The following CD109 variants were observed in gnomAD, a reference collection of about 807,000 sequenced individuals.
CD109 encodes CD109 antigen.
CD109 carries 149 observed loss-of-function variants against 165.8 expected under a neutral mutation model. The observed-to-expected ratio is 0.90, with a 90% CI of 0.79 to 1.03. CD109 has a LOEUF of 1.03. Among genes scored for constraint, CD109 ranks in the 50% least tolerant of loss-of-function variants. The probability of loss-of-function intolerance (pLI) is 0.00; values close to 1 mark genes in which losing one functional copy is unlikely to be tolerated. For synonymous variants in CD109, 585 were observed against 592.1 expected (o/e 0.99, Z 0.18); for missense variants, 1,712 against 1,677.8 (o/e 1.02, Z -0.36).
intron 5 of CD109, among the ~76,000 whole-genome samples, chr6:73,748,276 G>A (rs1268255740): frequency 2.0e-5 from 3 of 152,112 alleles, no homozygotes; most frequent in Non-Finnish European, 2.9e-5. Flanking sequence ...CTACACAGCA[G>A]TAAAAATAAT....
intron 23 of CD109, among the ~76,000 whole-genome samples, chr6:73,800,679 G>C (rs1775330142): frequency 6.6e-6 from 1 of 152,122 alleles, no homozygotes; most frequent in Non-Finnish European, 1.5e-5. Context: ...TTATGAAGTT[G>C]AATGTGTTTT....
chr6:73,709,373 T>A (rs1001553587), intron 2 of CD109, among the ~76,000 whole-genome samples: 1 of 152,232 alleles, frequency 6.6e-6, no homozygotes, highest in Non-Finnish European at 1.5e-5. Context: ...TCTGTTTTGG[T>A]ACCAGTACCA....
At position 73,818,369 on chromosome 6, in the gene CD109, T is replaced by C. The variant is rs1375838787; in HGVS notation, c.3912-19T>C. On this transcript the variant is annotated intron_variant, in intron 30 of 32. Transcript: ENST00000287097. ...GTTTTTCCTGAGGAGTTTTCATTCA[T>C]CCTCCCTCTTTGATTTAGCTTTTCG... 1 of 1,613,600 alleles carries C rather than the reference T, an allele frequency of 6.2e-7. No homozygotes were observed. The highest frequency in any genetic ancestry group is 1.1e-5 in the South Asian group (1 of 91,040).
the CD109 span, among the ~76,000 whole-genome samples, chr6:73,685,270 G>GAT: frequency 1.1e-4 from 16 of 151,822 alleles, no homozygotes; most frequent in Non-Finnish European, 1.8e-4. Flanking sequence ...ATATATTCTG[G>GAT]ATATAAGCCC....
intron 29 of CD109, among the ~76,000 whole-genome samples, chr6:73,813,123 C>G (rs1324809584): frequency 6.6e-5 from 10 of 152,004 alleles, no homozygotes; most frequent in Admixed American, 6.6e-4. Context: ...GCATTATTCT[C>G]AGAATACAGT....
chr6:73,761,194 A>C, intron 7 of CD109, among the ~76,000 whole-genome samples: 1 of 152,220 alleles, frequency 6.6e-6, no homozygotes, highest in East Asian at 1.9e-4. Context: ...ATGGTGTAAT[A>C]AACCTTCCTC....
intron 28 of CD109, 79 bp from the exon 29 acceptor site, chr6:73,812,126 A>G: frequency 1.2e-6 from 1 of 851,270 alleles, no homozygotes; most frequent in Non-Finnish European, 2.0e-6. Context: ...AATGAGGGAT[A>G]GGACTGATCT....
Position 73,826,727 on chromosome 6 carries a change from C to A in CD109, c.*3094C>A, listed in dbSNP as rs1383407693. 2 of 151,878 alleles carry A rather than the reference C, an allele frequency of 1.3e-5. No homozygotes were observed. Among genetic ancestry groups the A allele is most frequent in the Non-Finnish European group, 2.9e-5 (2 of 67,988 alleles). 9.4% of individuals were successfully genotyped at this position (151,878 alleles called of 1,614,324 possible). ...AGGAGTGTTTTGCTTATGTAGAATC[C>A]AGATATATTTCTGTTACCTAGGAGA... On this transcript the variant is annotated 3_prime_UTR_variant, in exon 33 of 33. Transcript: ENST00000287097.
intron 24 of CD109, chr6:73,803,999 C>T (rs974490031): frequency 6.6e-6 from 1 of 152,256 alleles, no homozygotes; most frequent in African/African-American, 2.4e-5. Flanking sequence ...GTGTCCACGT[C>T]TCCAAAAGGA....
In CD109 at chr6:73,812,270, G is replaced by C. The variant is rs781479069; in HGVS notation, c.3768G>C (p.Gln1256His). The C allele has an allele frequency of 2.5e-6, 4 of 1,591,328 alleles. No homozygotes were observed. The Admixed American group carries it at 6.8e-5, about 27-fold the overall frequency. Residue 1256 changes from glutamine (Q) to histidine (H), a missense_variant and splice_region_variant, in exon 29 of 33, where the codon CAG becomes CAC. Transcript: ENST00000287097. ...ATGGTTTTGGATTTGCTATTTGTCA[G>C]GTATGTAACGATGCTTATTTTTTTA... ...SANGFGFAIC[Q>H]LNVVYNVKAS...
chr6:73,806,573 A>C (rs1775574917), intron 24 of CD109, among the ~76,000 whole-genome samples: 1 of 152,182 alleles, frequency 6.6e-6, no homozygotes, highest in South Asian at 2.1e-4. Flanking sequence ...ATCATTTCTA[A>C]ATTCCTTTTC....
At position 73,787,634 on chromosome 6, in the gene CD109, A is replaced by G. The variant is rs564139905; in HGVS notation, c.2556+182A>G. On this transcript the variant is annotated intron_variant, in intron 21 of 32. Transcript: ENST00000287097. ...ATAAATCATTTAGAAATAATTGCCA[A>G]TTTCCTCTTTAAATTTAGTCAGGAA... Among the ~76,000 whole-genome samples the G allele has an allele frequency of 7.9e-5, 12 of 152,214 alleles. No homozygotes were observed. In the South Asian group the frequency reaches 2.3e-3, roughly 29 times the overall value.
Position 73,730,417 on chromosome 6 carries a change from C to G in CD109, c.350C>G (p.Ser117Cys), listed in dbSNP as rs1169944720. The change falls in exon 4 of 33, where the codon TCT (serine) becomes TGT (cysteine). Residue 117 changes from serine (S) to cysteine (C), a missense_variant. Transcript: ENST00000287097. The stretch of plus-strand genomic sequence containing the variant: ...CGTACCCAGGATGAGATTTTATTCT[C>G]TAATAGTACCCGCTTATCATTTGAG... ...TGRTQDEILFSNSTRLSFETK... is the reference protein window; with the variant it reads ...TGRTQDEILFCNSTRLSFETK... The G allele has an allele frequency of 6.2e-7, 1 of 1,613,954 alleles. No homozygotes were observed. Among genetic ancestry groups the G allele is most frequent in the South Asian group, 1.1e-5 (1 of 91,078 alleles).
intron 21 of CD109, 112 bp from the exon 22 acceptor site, chr6:73,788,356 C>T: frequency 1.3e-6 from 1 of 779,254 alleles, no homozygotes. Context: ...CCTATTTAGC[C>T]ACACACAAAC....
At chr6:73,696,467 GT>G (rs1770847893) in intron 1 of CD109, among the ~76,000 whole-genome samples, 178 bp downstream of exon 1, 1 of 152,226 alleles carries the variant, frequency 6.6e-6, no homozygotes, top group South Asian at 2.1e-4. Context: ...TAGCTTCAGC[GT>G]GGCTCTCCAT....
At chr6:73,745,993 G>A (rs1272766042) in intron 5 of CD109, among the ~76,000 whole-genome samples, 1 of 152,240 alleles carries the variant, frequency 6.6e-6, no homozygotes, top group Admixed American at 6.5e-5. Flanking sequence ...GCCTTCCAAA[G>A]GGCTGGGATT....
At chr6:73,728,531 A>G (rs1459259190) in intron 3 of CD109, among the ~76,000 whole-genome samples, 1 of 152,180 alleles carries the variant, frequency 6.6e-6, no homozygotes, top group Non-Finnish European at 1.5e-5. Flanking sequence ...TCATACATCT[A>G]TCCATCTACC....
chr6:73,723,381 G>A (rs1048859622), intron 3 of CD109, 102 bp downstream of exon 3: 6 of 921,596 alleles, frequency 6.5e-6, no homozygotes, highest in Admixed American at 2.1e-5. Context: ...CACATTTCAC[G>A]TTTCATGTAA....
chr6:73,733,957 G>A (rs552134006), intron 4 of CD109, among the ~76,000 whole-genome samples: 7 of 152,278 alleles, frequency 4.6e-5, no homozygotes, highest in East Asian at 1.9e-4. Flanking sequence ...AAGGTGACTC[G>A]AAGGGCATGT....
Sources: allele counts gnomAD v4.1 joint callset (sites outside exome capture counted in the v4.1 genomes callset), GRCh38; gene constraint gnomAD v4.1.1; transcripts MANE v1.5; gene names NCBI Gene and HGNC (gene_info 2026-07-23, HGNC 2026-07-21).